The following IFT43 variants were observed in gnomAD, a reference collection of about 807,000 sequenced individuals.
The protein encoded by IFT43 is intraflagellar transport 43, also known as intraflagellar transport protein 43 homolog.
In IFT43, 33 loss-of-function variants were observed where a neutral mutation model predicts 32.3. The observed-to-expected ratio is 1.02, with a 90% CI of 0.77 to 1.37. The LOEUF (loss-of-function observed/expected upper bound fraction) is 1.37. Ranked by LOEUF, IFT43 falls within the 40% of genes most tolerant of loss-of-function variation. IFT43 has a pLI of 0.00. For synonymous variants in IFT43, 93 were observed against 98.2 expected, an observed-to-expected ratio of 0.95 and a Z score of 0.31; for missense variants, 274 against 265.9, an observed-to-expected ratio of 1.03 and a Z score of -0.21.
chr14:76,032,666 G>A (rs1232294626), intron 3 of IFT43, among the ~76,000 whole-genome samples: 1 of 152,142 alleles, frequency 6.6e-6, no homozygotes, highest in Non-Finnish European at 1.5e-5. Flanking sequence ...TAAGCACTCG[G>A]TGACTATTTA....
chr14:75,988,901 G>A lies in IFT43; in HGVS notation c.71G>A (p.Arg24His), dbSNP rs770391250. Residue 24 changes from arginine to histidine, a missense_variant, in exon 2 of 9, where the codon CGC (arginine) becomes CAC (histidine). Physicochemically the swap from Arg to His is conservative, Grantham distance 29 (BLOSUM62 0). Coordinates refer to ENST00000314067, the MANE Select transcript of IFT43 (RefSeq NM_001102564.3). ...TCCTTACAGAGGGCCAAGATGGGTCGCCGAGCTCAACAGGAGTCAGCGCAG... is the reference window on the plus strand; with the variant it reads ...TCCTTACAGAGGGCCAAGATGGGTCACCGAGCTCAACAGGAGTCAGCGCAG... The part of the protein sequence containing the change: ...SLATSRAKMG[R>H]RAQQESAQAE... 5.6e-6 allele frequency: 9 copies of A among 1,613,798 alleles called. No homozygotes were observed. Among genetic ancestry groups the A allele is most frequent in the African/African-American group, 1.3e-5 (1 of 74,890 alleles).
At chr14:76,007,055 C>T (rs1185796697) in intron 2 of IFT43, among the ~76,000 whole-genome samples, 2 of 152,064 alleles carry the variant, frequency 1.3e-5, no homozygotes, top group African/African-American at 4.8e-5. Context: ...GATGGGGTCT[C>T]ACTTTGTTGC....
At chr14:76,045,023 G>A (rs2036778809) in intron 3 of IFT43, among the ~76,000 whole-genome samples, 1 of 152,204 alleles carries the variant, frequency 6.6e-6, no homozygotes, top group African/African-American at 2.4e-5. Context: ...ACGGTAGGCT[G>A]TATGTGGTTA....
chr14:76,039,812 C>T, intron 3 of IFT43, among the ~76,000 whole-genome samples: 1 of 152,162 alleles, frequency 6.6e-6, no homozygotes, highest in African/African-American at 2.4e-5. Context: ...TCGTGTTTCT[C>T]TCCAAAGGTA....
chr14:76,083,377 G>A, intron 8 of IFT43, 81 bp from the exon 9 acceptor site: 1 of 1,613,262 alleles, frequency 6.2e-7, no homozygotes, highest in East Asian at 2.2e-5. Flanking sequence ...CCTCCCTGAG[G>A]CCTGGATGGG....
At chr14:76,079,066 G>C (rs1362814108) in intron 5 of IFT43, among the ~76,000 whole-genome samples, 1 of 152,230 alleles carries the variant, frequency 6.6e-6, no homozygotes, top group Non-Finnish European at 1.5e-5. Flanking sequence ...CGTGAAAGCT[G>C]TCTCGACCAT....
At chr14:76,078,996 A>C (rs1594868504) in intron 5 of IFT43, among the ~76,000 whole-genome samples, 1 of 152,176 alleles carries the variant, frequency 6.6e-6, no homozygotes, top group East Asian at 1.9e-4. Flanking sequence ...GCATATCTCT[A>C]GTTATTGGAA....
At chr14:76,012,662 C>T (rs1249664306) in intron 2 of IFT43, among the ~76,000 whole-genome samples, 3 of 152,238 alleles carry the variant, frequency 2.0e-5, no homozygotes, top group African/African-American at 7.2e-5. Context: ...CACTCGGAGA[C>T]GTGACTCCAG....
Position 75,985,778 on chromosome 14 carries a change from G to T in IFT43, c.-9G>T. ...GGTTTCCAGGAAGTGACGTCAGGCG[G>T]CCGCGGAGATGGAGGATTTGCTCGA... is the stretch of plus-strand genomic sequence containing the variant. On this transcript the variant is annotated 5_prime_UTR_variant, in exon 1 of 9. Coordinates refer to ENST00000314067, the MANE Select transcript of IFT43 (RefSeq NM_001102564.3). 1 of 1,614,182 alleles carries T rather than the reference G, an allele frequency of 6.2e-7. No individual in the cohort carries two copies. Among genetic ancestry groups the T allele is most frequent in the Non-Finnish European group, 8.5e-7 (1 of 1,180,030 alleles).
At chr14:76,046,491 C>A (rs2036811169) in intron 3 of IFT43, among the ~76,000 whole-genome samples, 1 of 152,008 alleles carries the variant, frequency 6.6e-6, no homozygotes, top group Non-Finnish European at 1.5e-5. Context: ...CTGGGCACAC[C>A]CAGCCAGCAC....
chr14:76,061,229 CT>C (rs547135388), intron 5 of IFT43, among the ~76,000 whole-genome samples: 263 of 152,270 alleles, frequency 1.7e-3, no homozygotes, highest in Non-Finnish European at 3.4e-3. Context: ...CTTTGTTCCC[CT>C]GTATGTAATG....
intron 2 of IFT43, among the ~76,000 whole-genome samples, chr14:75,994,393 C>A (rs578249369): frequency 6.6e-6 from 1 of 152,286 alleles, no homozygotes; most frequent in East Asian, 1.9e-4. Context: ...TCATTCGATA[C>A]ATTTCAAATC....
At chr14:76,074,867 A>AC (rs1208937911) in intron 5 of IFT43, among the ~76,000 whole-genome samples, 1 of 151,502 alleles carries the variant, frequency 6.6e-6, no homozygotes, top group Non-Finnish European at 1.5e-5. Context: ...CTCAGTCCAA[A>AC]CCCCCCTCCC....
At chr14:76,062,459 C>T (rs184722387) in intron 5 of IFT43, among the ~76,000 whole-genome samples, 4 of 152,202 alleles carry the variant, frequency 2.6e-5, no homozygotes, top group Admixed American at 2.6e-4. Flanking sequence ...TCTTGTCTTC[C>T]TTTAAAGACT....
At chr14:76,042,570 C>G (rs1022465835) in intron 3 of IFT43, among the ~76,000 whole-genome samples, 2 of 152,274 alleles carry the variant, frequency 1.3e-5, no homozygotes, top group Non-Finnish European at 2.9e-5. Flanking sequence ...CAGAGTTGTG[C>G]TCCAGCCAGC....
intron 3 of IFT43, among the ~76,000 whole-genome samples, chr14:76,043,262 C>T (rs1415497316): frequency 4.6e-5 from 7 of 152,136 alleles, no homozygotes; most frequent in Non-Finnish European, 8.8e-5. Context: ...GAGGAAGGGC[C>T]GGGGCCAGGT....
At chr14:76,037,208 C>T (rs770002276) in intron 3 of IFT43, among the ~76,000 whole-genome samples, 17 of 152,044 alleles carry the variant, frequency 1.1e-4, no homozygotes, top group Non-Finnish European at 2.4e-4. Flanking sequence ...CCATTTAGGC[C>T]CAGTTTTGGC....
chr14:76,029,896 A>ATTTTATTTTAT (rs1294938912), intron 3 of IFT43, among the ~76,000 whole-genome samples: 2 of 138,492 alleles, frequency 1.4e-5, no homozygotes, highest in East Asian at 4.0e-4. Context: ...ATTTTATTTT[A>ATTTTATTTTAT]TTTGAGACAG....
At chr14:76,000,542 G>A (rs1365268334) in intron 2 of IFT43, among the ~76,000 whole-genome samples, 1 of 152,098 alleles carries the variant, frequency 6.6e-6, no homozygotes, top group African/African-American at 2.4e-5. Context: ...AAAGTGCTGG[G>A]ATTACAGGCA....
Sources: allele counts gnomAD v4.1 joint callset (sites outside exome capture counted in the v4.1 genomes callset), GRCh38; gene constraint gnomAD v4.1.1; transcripts MANE v1.5; gene names NCBI Gene and HGNC (gene_info 2026-07-23, HGNC 2026-07-21).